Variants in KLHL3 observed in about 807,000 individuals in gnomAD.
KLHL3 encodes the protein kelch like family member 3.
KLHL3 carries 19 observed loss-of-function variants against 70.5 expected under a neutral mutation model. The ratio of observed to expected loss-of-function variants is 0.27; its 90% CI spans 0.19 to 0.40. The LOEUF is 0.40. Among genes scored for constraint, KLHL3 ranks in the 10% least tolerant of loss-of-function variants. KLHL3 has a pLI of 1.00. For synonymous variants in KLHL3, 258 were observed against 290.3 expected (o/e 0.89, Z 1.13); for missense variants, 512 against 771.1 (o/e 0.66, Z 3.98).
At chr5:137,658,682 C>T (rs1456990298) in intron 7 of KLHL3, among the ~76,000 whole-genome samples, 1 of 152,148 alleles carries the variant, frequency 6.6e-6, no homozygotes, top group Admixed American at 6.5e-5. Flanking sequence ...TTAGGGCAAA[C>T]AGACATCTGA....
intron 8 of KLHL3, among the ~76,000 whole-genome samples, chr5:137,642,323 T>C (rs1738002130): frequency 6.6e-6 from 1 of 152,224 alleles, no homozygotes; most frequent in African/African-American, 2.4e-5. Context: ...CTCTGAGCAC[T>C]CTGCCTTAAC....
rs1750288219 is a variant in KLHL3, at chr5:137,621,332, C to G, written c.*766G>C. On this transcript the variant is annotated 3_prime_UTR_variant, in exon 15 of 15. Transcript: ENST00000309755. ...ACATAACACCTCCCAGGCCTGGAAT[C>G]TATGACATCAAAGACCAATGGCCTA... 6.6e-6 allele frequency: 1 copy of G among 152,624 alleles called. No individual in the cohort carries two copies. The highest frequency in any genetic ancestry group is 1.5e-5 in the Non-Finnish European group (1 of 68,048). 9.5% of individuals were successfully genotyped at this position (152,624 alleles called of 1,614,324 possible).
At chr5:137,707,115 A>G (rs1752700373) in intron 3 of KLHL3, among the ~76,000 whole-genome samples, 1 of 152,130 alleles carries the variant, frequency 6.6e-6, no homozygotes. Flanking sequence ...ATGAATAGCA[A>G]TTTAAAAAAA....
chr5:137,697,942 G>A (rs1270759177), intron 4 of KLHL3, among the ~76,000 whole-genome samples: 1 of 152,160 alleles, frequency 6.6e-6, no homozygotes, highest in Non-Finnish European at 1.5e-5. Flanking sequence ...GAGATGAGAC[G>A]ATGACCTGGG....
intron 10 of KLHL3, 35 bp downstream of exon 10, chr5:137,638,918 G>C (rs1750837268): frequency 2.5e-6 from 4 of 1,592,798 alleles, no homozygotes; most frequent in Admixed American, 1.7e-5. Context: ...ATGTGTCCCA[G>C]GCTAGGAGGG....
intron 8 of KLHL3, among the ~76,000 whole-genome samples, chr5:137,645,837 TAG>T (rs1751030953): frequency 6.6e-6 from 1 of 151,722 alleles, no homozygotes; most frequent in South Asian, 2.1e-4. Flanking sequence ...CCAAACAATC[TAG>T]AGCAAAAGGA....
chr5:137,698,394 T>G lies in KLHL3; in HGVS notation c.256A>C (p.Ser86Arg), dbSNP rs1752495163. The G allele has an allele frequency of 3.1e-6, 5 of 1,614,204 alleles. No homozygotes were observed. Among genetic ancestry groups the G allele is most frequent in the Non-Finnish European group, 4.2e-6 (5 of 1,180,032 alleles). The change falls in exon 4 of 15, where the codon AGT (serine) becomes CGT (arginine). Residue 86 changes from serine (S) to arginine (R), a missense_variant. Transcript: ENST00000309755. ...CAMFTGDMSE[S>R]KAKKIEIKDV... ...TTGATTTCTATCTTTTTGGCTTTACTCTCAGACATGTCACCTAGAGTTTAC... is the reference window on the plus strand; with the variant it reads ...TTGATTTCTATCTTTTTGGCTTTACGCTCAGACATGTCACCTAGAGTTTAC...
At chr5:137,695,305 C>G (rs544300535) in intron 4 of KLHL3, among the ~76,000 whole-genome samples, 1 of 152,248 alleles carries the variant, frequency 6.6e-6, no homozygotes, top group South Asian at 2.1e-4. Flanking sequence ...CTCTCCACAC[C>G]CCTTATCCTG....
intron 5 of KLHL3, among the ~76,000 whole-genome samples, chr5:137,689,662 G>A (rs533380756): frequency 6.6e-6 from 1 of 152,286 alleles, no homozygotes; most frequent in Non-Finnish European, 1.5e-5. Context: ...CAGACACTGG[G>A]GACTCCAAAG....
chr5:137,690,449 G>A (rs1201531599), intron 5 of KLHL3, among the ~76,000 whole-genome samples: 1 of 152,136 alleles, frequency 6.6e-6, no homozygotes, highest in Non-Finnish European at 1.5e-5. Context: ...CTCCCTAAGT[G>A]AAGGTGGAAA....
chr5:137,730,468 G>A (rs1015570483), intron 1 of KLHL3, among the ~76,000 whole-genome samples: 1 of 152,140 alleles, frequency 6.6e-6, no homozygotes, highest in African/African-American at 2.4e-5. Context: ...TCCACACTGG[G>A]GCCTTCACAC....
At chr5:137,624,226 G>A (rs1376108296) in intron 14 of KLHL3, among the ~76,000 whole-genome samples, 1 of 152,166 alleles carries the variant, frequency 6.6e-6, no homozygotes, top group East Asian at 1.9e-4. Context: ...CAGTAAGTGG[G>A]TTTGAACATA....
At chr5:137,623,369 A>G (rs964776268) in intron 14 of KLHL3, among the ~76,000 whole-genome samples, 1 of 152,208 alleles carries the variant, frequency 6.6e-6, no homozygotes, top group Non-Finnish European at 1.5e-5. Context: ...CTGCTAAGAC[A>G]TCTATTTCCT....
At chr5:137,634,225 A>G in intron 11 of KLHL3, 60 bp from the exon 12 acceptor site, 1 of 1,529,808 alleles carries the variant, frequency 6.5e-7, no homozygotes, top group South Asian at 1.3e-5. Context: ...ACCAGAGCTC[A>G]GCTGAAACCC....
intron 13 of KLHL3, among the ~76,000 whole-genome samples, chr5:137,626,179 A>G (rs1318509760): frequency 2.0e-5 from 3 of 152,164 alleles, no homozygotes; most frequent in South Asian, 4.1e-4. Flanking sequence ...TACCTATACT[A>G]TAAGTATGTA....
At chr5:137,708,954 T>C (rs536636377) in intron 3 of KLHL3, among the ~76,000 whole-genome samples, 3 of 152,340 alleles carry the variant, frequency 2.0e-5, no homozygotes, top group South Asian at 2.1e-4. Context: ...CAAGCCCAGA[T>C]GGCCTCCTTC....
Position 137,621,970 on chromosome 5 carries a change from G to T in KLHL3, c.*128C>A. On this transcript the variant is annotated 3_prime_UTR_variant, in exon 15 of 15. Coordinates refer to ENST00000309755, the MANE Select transcript of KLHL3 (RefSeq NM_017415.3). ...TGAACAACACCAGTCTGCCAAGTCAGAGGAGAGCGGTTCTCACAGCAGCAC... is the reference window on the plus strand; with the variant it reads ...TGAACAACACCAGTCTGCCAAGTCATAGGAGAGCGGTTCTCACAGCAGCAC... 1.0e-6 allele frequency: 1 copy of T among 962,360 alleles called. No homozygotes were observed. The highest frequency in any genetic ancestry group is 1.7e-6 in the Non-Finnish European group (1 of 592,932). 59.6% of individuals were successfully genotyped at this position (962,360 alleles called of 1,614,324 possible). A position where few individuals can be genotyped will look rare whatever the true frequency, so the allele number is the denominator to read the frequency against.
intron 8 of KLHL3, among the ~76,000 whole-genome samples, chr5:137,641,989 T>C (rs185567329): frequency 2.6e-4 from 39 of 152,296 alleles, no homozygotes; most frequent in Middle Eastern, 6.8e-3. Flanking sequence ...TTACTTCCCA[T>C]TTGTAATTCT....
intron 8 of KLHL3, among the ~76,000 whole-genome samples, chr5:137,655,951 A>G (rs993626216): frequency 1.4e-5 from 2 of 147,294 alleles, no homozygotes; most frequent in African/African-American, 5.0e-5. Context: ...AGATCACTCC[A>G]CTGCACTCCG....
Sources: gnomAD v4.1 joint callset for allele counts (sites outside exome capture counted in the v4.1 genomes callset) on GRCh38, gnomAD v4.1.1 for gene constraint, MANE v1.5 for transcripts, NCBI Gene and HGNC (gene_info 2026-07-23, HGNC 2026-07-21) for gene names.